STXBP6: variants seen among roughly 807,000 people sequenced by gnomAD.
The protein encoded by STXBP6 is syntaxin binding protein 6, also known as syntaxin-binding protein 6.
Under a neutral mutation model 26.9 loss-of-function variants are expected in STXBP6, and 21 were observed. That is an observed-to-expected ratio of 0.78 (90% CI 0.55 to 1.12). The LOEUF (loss-of-function observed/expected upper bound fraction) is 1.12, where lower values mean the gene tolerates loss of function less well. Ranked by LOEUF, STXBP6 falls within the 50% of genes most tolerant of loss-of-function variation. The probability of loss-of-function intolerance (pLI) is 0.00; values close to 1 mark genes in which losing one functional copy is unlikely to be tolerated. For missense variants in STXBP6, 232 were observed against 257.9 expected (o/e 0.90, Z 0.69); for synonymous variants, 97 against 92.6 (o/e 1.05, Z -0.27).
At chr14:24,917,805 GA>G (rs1219271959) in intron 2 of STXBP6, among the ~76,000 whole-genome samples, 3 of 152,044 alleles carry the variant, frequency 2.0e-5, no homozygotes, top group African/African-American at 7.2e-5. Flanking sequence ...AATAAAGTGA[GA>G]AGACAATATA....
chr14:24,996,864 CA>C (rs753413417), intron 1 of STXBP6, among the ~76,000 whole-genome samples: 102 of 60,898 alleles, frequency 1.7e-3, no homozygotes, highest in Middle Eastern at 0.013. Flanking sequence ...AACTCTGTCT[CA>C]AAAAAAAAAA....
chr14:25,029,264 C>T (rs1383796183), intron 1 of STXBP6, among the ~76,000 whole-genome samples: 2 of 152,096 alleles, frequency 1.3e-5, no homozygotes, highest in Non-Finnish European at 2.9e-5. Flanking sequence ...AACTTCACTG[C>T]TATCTTATTT....
intron 2 of STXBP6, among the ~76,000 whole-genome samples, chr14:24,875,459 G>GC (rs2070102995): frequency 1.3e-5 from 2 of 152,250 alleles, no homozygotes; most frequent in South Asian, 4.1e-4. Flanking sequence ...TTATGTCCAG[G>GC]CATTGTTTTA....
rs149908837 is a variant in STXBP6 at position 24,940,975 on chromosome 14, A to G, written c.154+33690T>C. ...GCTTGCAGTGAGCCAAGATTGCGCC[A>G]CTGCACTCCAGCCTGGGCGACAGAG... is the stretch of plus-strand genomic sequence containing the variant. On this transcript the variant is annotated intron_variant, in intron 2 of 5. Transcript: ENST00000323944. Among the ~76,000 whole-genome samples, 880 of 152,260 alleles carry G rather than the reference A, an allele frequency of 5.8e-3. 10 individuals are homozygous for G. The highest frequency in any genetic ancestry group is 0.02 in the African/African-American group (851 of 41,546).
chr14:25,019,632 C>T (rs75228056), intron 1 of STXBP6, among the ~76,000 whole-genome samples: 12,488 of 152,198 alleles, frequency 0.082, 613 homozygotes, highest in Non-Finnish European at 0.12. Flanking sequence ...GGACTTCTGC[C>T]ATCTTTGCTC....
At position 25,049,796 on chromosome 14, in the gene STXBP6, C is replaced by A. The variant is rs922194324; in HGVS notation, c.-33+82G>T. The A allele has an allele frequency of 5.1e-6, 5 of 985,686 alleles. No individual in the cohort carries two copies. Among genetic ancestry groups the A allele is most frequent in the Non-Finnish European group, 6.0e-6 (5 of 830,274 alleles). 61.1% of individuals were successfully genotyped at this position (985,686 alleles called of 1,614,324 possible). A position where few individuals can be genotyped will look rare whatever the true frequency, so the allele number is the denominator to read the frequency against. On this transcript the variant is annotated intron_variant, in intron 1 of 5. Transcript: ENST00000323944. The surrounding 1 kb of genome is among the most constrained non-coding windows in gnomAD (Gnocchi z 5.6). ...CGCCTCGGACGGAGCGCCAGGCGCC[C>A]CAACAGCCGTGGCGGCTGCAACCGC...
intron 4 of STXBP6, among the ~76,000 whole-genome samples, chr14:24,821,862 C>A (rs1256442864): frequency 6.6e-6 from 1 of 152,138 alleles, no homozygotes; most frequent in Non-Finnish European, 1.5e-5. Flanking sequence ...TTCCCTAAAT[C>A]TTTAATATTT....
intron 4 of STXBP6, among the ~76,000 whole-genome samples, chr14:24,850,785 T>A (rs1245608362): frequency 6.6e-6 from 1 of 152,146 alleles, no homozygotes; most frequent in African/African-American, 2.4e-5. Context: ...GTGGGATCAC[T>A]GAAGGATGAC....
At chr14:25,033,080 T>C (rs1419394122) in intron 1 of STXBP6, among the ~76,000 whole-genome samples, 1 of 152,152 alleles carries the variant, frequency 6.6e-6, no homozygotes, top group Non-Finnish European at 1.5e-5. Context: ...CTATTATAAG[T>C]AATACTGTGA....
chr14:25,043,923 A>C (rs558304101), intron 1 of STXBP6, among the ~76,000 whole-genome samples: 2 of 152,256 alleles, frequency 1.3e-5, no homozygotes, highest in East Asian at 3.9e-4. Flanking sequence ...TCATGCCTGT[A>C]ATCCCAGAGG....
At chr14:24,909,802 T>A (rs72682936) in intron 2 of STXBP6, among the ~76,000 whole-genome samples, 3,335 of 151,060 alleles carry the variant, frequency 0.022, 61 homozygotes, top group Middle Eastern at 0.031. Flanking sequence ...ACCACTGAAC[T>A]CTAGCCTGGG....
chr14:25,045,894 C>A (rs531462053), intron 1 of STXBP6, among the ~76,000 whole-genome samples: 2 of 152,254 alleles, frequency 1.3e-5, no homozygotes, highest in Non-Finnish European at 2.9e-5. Flanking sequence ...AGGTGTGAGC[C>A]ACTGCACCTG....
chr14:24,893,139 G>A (rs973748437), intron 2 of STXBP6, among the ~76,000 whole-genome samples: 1 of 152,186 alleles, frequency 6.6e-6, no homozygotes, highest in Non-Finnish European at 1.5e-5. Context: ...GATAGTGACT[G>A]TCTAAAAATT....
At chr14:24,839,095 CG>C (rs1333822704) in intron 4 of STXBP6, among the ~76,000 whole-genome samples, 1 of 152,124 alleles carries the variant, frequency 6.6e-6, no homozygotes, top group Non-Finnish European at 1.5e-5. Flanking sequence ...AGCAACTACA[CG>C]GGAGTTGAGT....
intron 1 of STXBP6, among the ~76,000 whole-genome samples, chr14:24,988,217 T>C (rs1340138358): frequency 6.6e-6 from 1 of 152,234 alleles, no homozygotes; most frequent in Non-Finnish European, 1.5e-5. Context: ...ATACTGGTCC[T>C]TATTAACAGA....
chr14:24,993,483 G>A (rs1415845967), intron 1 of STXBP6, among the ~76,000 whole-genome samples: 1 of 152,110 alleles, frequency 6.6e-6, no homozygotes, highest in African/African-American at 2.4e-5. Flanking sequence ...CTTCTGCCTA[G>A]ATTACTACCA....
intron 2 of STXBP6, among the ~76,000 whole-genome samples, chr14:24,956,735 C>A (rs561165259): frequency 3.9e-5 from 6 of 152,218 alleles, no homozygotes. Flanking sequence ...GGTTTCAGTG[C>A]TGTTTTTATT....
At chr14:24,912,430 A>G (rs2071606564) in intron 2 of STXBP6, among the ~76,000 whole-genome samples, 1 of 147,350 alleles carries the variant, frequency 6.8e-6, no homozygotes, top group Non-Finnish European at 1.5e-5. Context: ...AGGTTTATAG[A>G]AAGTGAATGC....
intron 4 of STXBP6, among the ~76,000 whole-genome samples, chr14:24,821,799 C>T (rs1465391974): frequency 6.6e-6 from 1 of 152,186 alleles, no homozygotes; most frequent in Non-Finnish European, 1.5e-5. Flanking sequence ...GATGCAATGA[C>T]TTCCCAGCTG....
Sources: gnomAD v4.1 joint callset for allele counts (sites outside exome capture counted in the v4.1 genomes callset) on GRCh38, gnomAD v4.1.1 for gene constraint, Gnocchi (gnomAD v3.1) non-coding constraint, MANE v1.5 for transcripts, NCBI Gene and HGNC (gene_info 2026-07-23, HGNC 2026-07-21) for gene names.